The following NLRP1 variants were observed in gnomAD, a reference collection of about 807,000 sequenced individuals.
NLRP1 encodes NACHT, LRR and PYD domains-containing protein 1.
NLRP1 carries 94 observed loss-of-function variants against 136.7 expected under a neutral mutation model. The observed-to-expected ratio is 0.69, with a 90% CI of 0.58 to 0.82. NLRP1 has a LOEUF of 0.82. NLRP1 is among the 40% of genes least tolerant of loss of function. The pLI is 0.00. For synonymous variants in NLRP1, 690 were observed against 725.1 expected, an observed-to-expected ratio of 0.95 and a Z score of 0.78; for missense variants, 1,575 against 1,802.7, an observed-to-expected ratio of 0.87 and a Z score of 2.29.
chr17:5,542,856 G>A (rs1370843998), intron 5 of NLRP1, among the ~76,000 whole-genome samples: 1 of 150,028 alleles, frequency 6.7e-6, no homozygotes, highest in Non-Finnish European at 1.5e-5. Context: ...GTGAGATGGA[G>A]TCTCGCTCTT....
chr17:5,517,675 T>C, intron 15 of NLRP1, 71 bp downstream of exon 15: 1 of 1,571,154 alleles, frequency 6.4e-7, no homozygotes, highest in African/African-American at 1.4e-5. Context: ...CGTGAGCCAC[T>C]GTGCCCAGCT....
chr17:5,577,613 C>T (rs372038878), intron 3 of NLRP1, among the ~76,000 whole-genome samples: 1 of 151,850 alleles, frequency 6.6e-6, no homozygotes, highest in Non-Finnish European at 1.5e-5. Flanking sequence ...TAAAAGAGGA[C>T]ACAAACAAAT....
intron 3 of NLRP1, among the ~76,000 whole-genome samples, chr17:5,567,243 C>G (rs935997461): frequency 6.6e-6 from 1 of 151,870 alleles, no homozygotes; most frequent in African/African-American, 2.4e-5. Flanking sequence ...TCTCTTCTTT[C>G]TTTTATTCCT....
At chr17:5,567,320 G>C (rs114301368) in intron 3 of NLRP1, among the ~76,000 whole-genome samples, 3,646 of 151,708 alleles carry the variant, frequency 0.024, 155 homozygotes, top group African/African-American at 0.084. Context: ...TATTTTTTGT[G>C]TATCCATTTT....
At chr17:5,560,852 C>A (rs559639663) in intron 3 of NLRP1, among the ~76,000 whole-genome samples, 2 of 152,230 alleles carry the variant, frequency 1.3e-5, no homozygotes, top group East Asian at 3.8e-4. Flanking sequence ...CTCAGGCTTC[C>A]GGGCGAGCCC....
intron 12 of NLRP1, among the ~76,000 whole-genome samples, chr17:5,529,657 C>T (rs559362063): frequency 2.0e-5 from 3 of 152,274 alleles, no homozygotes; most frequent in East Asian, 1.9e-4. Flanking sequence ...TGAGCCACTG[C>T]GCCCGGCCTT....
intron 3 of NLRP1, among the ~76,000 whole-genome samples, chr17:5,574,124 A>C (rs141030063): frequency 0.018 from 2,703 of 152,318 alleles, 75 homozygotes; most frequent in African/African-American, 0.062. Flanking sequence ...GACCTGATGG[A>C]GCTGAAAACC....
chr17:5,569,444 G>T (rs1263351782), intron 3 of NLRP1, among the ~76,000 whole-genome samples: 1 of 151,996 alleles, frequency 6.6e-6, no homozygotes, highest in Non-Finnish European at 1.5e-5. Context: ...CCAAGCAAAT[G>T]GAAAACAAAC....
At position 5,553,329 on chromosome 17, in the gene NLRP1, T is replaced by C; in HGVS notation, c.2528+57A>G. ...CAAATCCCTCAGCCCAGACTCAGCTTCTGCCTTGGATCTCTTCCCCATCCC... is the reference window on the plus strand; with the variant it reads ...CAAATCCCTCAGCCCAGACTCAGCTCCTGCCTTGGATCTCTTCCCCATCCC... On this transcript the variant is annotated intron_variant, in intron 5 of 16. Transcript: ENST00000572272. 5 of 1,479,860 alleles carry C rather than the reference T, an allele frequency of 3.4e-6. No individual in the cohort carries two copies. The South Asian group carries it at 5.4e-5, about 16-fold the overall frequency. 91.7% of individuals were successfully genotyped at this position (1,479,860 alleles called of 1,614,324 possible).
Position 5,514,752 on chromosome 17 carries a change from C to T in NLRP1, c.*2G>A, listed in dbSNP as rs1432765895. ...CAAGGGTCAAGGGCTGGTGTTGATA[C>T]TTCAGCTGCTGAGTGGCAGGAGTCC... On this transcript the variant is annotated 3_prime_UTR_variant, in exon 17 of 17. Transcript: ENST00000572272. 3 of 1,613,924 alleles carry T rather than the reference C, an allele frequency of 1.9e-6. No individual in the cohort carries two copies. Among genetic ancestry groups the T allele is most frequent in the Admixed American group, 3.3e-5 (2 of 60,026 alleles).
chr17:5,523,469 C>G (rs760568015), intron 12 of NLRP1, among the ~76,000 whole-genome samples: 1 of 152,152 alleles, frequency 6.6e-6, no homozygotes, highest in African/African-American at 2.4e-5. Context: ...ACTATCTTCC[C>G]CCCCGCTTAG....
At chr17:5,531,315 A>T (rs930153767) in intron 11 of NLRP1, among the ~76,000 whole-genome samples, 1 of 152,110 alleles carries the variant, frequency 6.6e-6, no homozygotes, top group Non-Finnish European at 1.5e-5. Context: ...TCCCTGGCTT[A>T]GGCAATTCTT....
In NLRP1 at chr17:5,583,028, A is replaced by G. The variant is rs1905874189; in HGVS notation, c.272-182T>C. 6.6e-6 allele frequency among the ~76,000 whole-genome samples: 1 copy of G among 152,142 alleles called. No homozygotes were observed. Among genetic ancestry groups the G allele is most frequent in the African/African-American group, 2.4e-5 (1 of 41,416 alleles). Reference sequence around the variant, plus strand: ...GAATGATGTTCTTATAGATACTGCTAGGCAAAAAATCCTCATCTAGGATCA... The same window carrying G: ...GAATGATGTTCTTATAGATACTGCTGGGCAAAAAATCCTCATCTAGGATCA... On this transcript the variant is annotated intron_variant, in intron 1 of 16. Transcript: ENST00000572272. This position sits in a 1 kb window ranked among gnomAD's most constrained non-coding sequence, Gnocchi z 4.5.
At chr17:5,534,685 C>A (rs1262088078) in intron 8 of NLRP1, among the ~76,000 whole-genome samples, 1 of 152,208 alleles carries the variant, frequency 6.6e-6, no homozygotes, top group Non-Finnish European at 1.5e-5. Context: ...CCTCTGCCGC[C>A]CATTTTCTAC....
Position 5,501,689 on chromosome 17 carries a change from C to A in NLRP1, c.*125G>T, listed in dbSNP as rs200027943. 6 of 715,582 alleles carry A rather than the reference C, an allele frequency of 8.4e-6. 1 individual carries two copies. The Admixed American group carries it at 9.4e-5, about 11-fold the overall frequency. The allele number at this position is 715,582 out of a possible 1,614,324, so 44.3% of individuals were successfully genotyped here. A position where few individuals can be genotyped will look rare whatever the true frequency, so the allele number is the denominator to read the frequency against. ...TGAGCATCTCGCATATGATTAAGAA[C>A]AAATCCTTCAAAGACCTGCCTCACC... is the stretch of plus-strand genomic sequence containing the variant. On this transcript the variant is annotated 3_prime_UTR_variant, in exon 16 of 16. Coordinates refer to the NLRP1 transcript ENST00000262467.
chr17:5,515,067 G>A lies in NLRP1; in HGVS notation c.4109C>T (p.Pro1370Leu). 1 of 1,613,456 alleles carries A rather than the reference G, an allele frequency of 6.2e-7. No homozygotes were observed. The highest frequency in any genetic ancestry group is 1.3e-5 in the African/African-American group (1 of 75,038). ...CAACTGCGGGGCATCCAGAGGTGAA[G>A]GTACGGCTGGCAACGAACAAAGAAG... The part of the protein sequence containing the change: ...TLIPPARIAV[P>L]SPLDAPQLLH... The change falls in exon 17 of 17, where the codon CCT (proline) becomes CTT (leucine). Residue 1370 changes from proline to leucine, a missense_variant. Coordinates refer to ENST00000572272, the MANE Select transcript of NLRP1 (RefSeq NM_033004.4).
In NLRP1 at chr17:5,561,858, C is replaced by T. The variant is rs534047747; in HGVS notation, c.653-1815G>A. Among the ~76,000 whole-genome samples the T allele has an allele frequency of 5.9e-5, 9 of 152,322 alleles. 1 individual carries two copies. Among genetic ancestry groups the T allele is most frequent in the Admixed American group, 2.6e-4 (4 of 15,304 alleles). On this transcript the variant is annotated intron_variant, in intron 3 of 16. Coordinates refer to ENST00000572272, the MANE Select transcript of NLRP1 (RefSeq NM_033004.4). ...CCCATCCCTGCCACTGGTAGCCAGG[C>T]GGGCAATGTCTGCTAGCAGTCTGCT...
chr17:5,530,428 T>G (rs1324026967), intron 12 of NLRP1, 53 bp downstream of exon 12: 3 of 1,515,586 alleles, frequency 2.0e-6, no homozygotes, highest in East Asian at 2.3e-5. Context: ...CTACACTCCC[T>G]TTCAGGCCCA....
rs370067209 is a variant in NLRP1 at position 5,580,829 on chromosome 17, CAACTT to C, written c.652+1025_652+1029del. On this transcript the variant is annotated intron_variant, in intron 3 of 16. Coordinates refer to ENST00000572272, the MANE Select transcript of NLRP1 (RefSeq NM_033004.4). Reference sequence around the variant, plus strand: ...TGTGATTCTCAAATATAGAAAGAAACAACTTAAAGTATTAGAATCTTCCTTTCTTG... The same window carrying C: ...TGTGATTCTCAAATATAGAAAGAAACAAAGTATTAGAATCTTCCTTTCTTG... Among the ~76,000 whole-genome samples, 108 of 152,222 alleles carry C rather than the reference CAACTT, an allele frequency of 7.1e-4. No individual in the cohort carries two copies. The East Asian group carries it at 7.5e-3, about 11-fold the overall frequency.
Sources: gnomAD v4.1 joint callset for allele counts (sites outside exome capture counted in the v4.1 genomes callset) on GRCh38, gnomAD v4.1.1 for gene constraint, Gnocchi (gnomAD v3.1) non-coding constraint, MANE v1.5 for transcripts, NCBI Gene and HGNC (gene_info 2026-07-23, HGNC 2026-07-21) for gene names.